The following FMN1 variants were observed in gnomAD, a reference collection of about 807,000 sequenced individuals.
FMN1 encodes formin 1.
Under a neutral mutation model 132.4 loss-of-function variants are expected in FMN1, and 110 were observed. That is an observed-to-expected ratio of 0.83 (90% CI 0.71 to 0.97). The LOEUF is 0.97. Ranked by LOEUF, FMN1 falls within the 50% of genes least tolerant of loss-of-function variation. FMN1 has a pLI of 0.00. For synonymous variants in FMN1, 722 were observed against 651.7 expected, an observed-to-expected ratio of 1.11 and a Z score of -1.64; for missense variants, 1,792 against 1,705.3, an observed-to-expected ratio of 1.05 and a Z score of -0.90.
chr15:33,090,312 C>T (rs2038858587), intron 4 of FMN1, among the ~76,000 whole-genome samples: 1 of 152,092 alleles, frequency 6.6e-6, no homozygotes, highest in African/African-American at 2.4e-5. Flanking sequence ...GAAACTAGAG[C>T]TGAGAGTAAA....
chr15:32,895,777 T>TTA (rs2060139275), intron 15 of FMN1, among the ~76,000 whole-genome samples: 1 of 152,198 alleles, frequency 6.6e-6, no homozygotes. Context: ...TCATTGTCTA[T>TTA]TATGTTGTAA....
At chr15:33,125,155 G>A (rs1300852894) in intron 4 of FMN1, among the ~76,000 whole-genome samples, 2 of 152,124 alleles carry the variant, frequency 1.3e-5, no homozygotes, top group African/African-American at 2.4e-5. Flanking sequence ...AGAATGCAGA[G>A]TTTGAATCCC....
At chr15:32,984,737 G>A (rs1321958925) in intron 7 of FMN1, among the ~76,000 whole-genome samples, 1 of 152,032 alleles carries the variant, frequency 6.6e-6, no homozygotes, top group African/African-American at 2.4e-5. Context: ...GTGGCTAAGT[G>A]AAATTCAACA....
At chr15:32,881,599 T>C (rs939395750) in intron 16 of FMN1, among the ~76,000 whole-genome samples, 1 of 152,214 alleles carries the variant, frequency 6.6e-6, no homozygotes, top group Non-Finnish European at 1.5e-5. Context: ...TTGTTGTTTA[T>C]GGGCCATGTT....
intron 4 of FMN1, among the ~76,000 whole-genome samples, chr15:33,136,033 A>G (rs556820704): frequency 6.6e-6 from 1 of 152,372 alleles, no homozygotes; most frequent in East Asian, 1.9e-4. Flanking sequence ...TGTTGAATAA[A>G]AAATGTTTTG....
At chr15:33,113,773 TTC>T (rs1238532865) in intron 4 of FMN1, among the ~76,000 whole-genome samples, 1 of 152,178 alleles carries the variant, frequency 6.6e-6, no homozygotes, top group African/African-American at 2.4e-5. Flanking sequence ...GCCACGTCAG[TTC>T]TTTCATCTGT....
Position 33,177,149 on chromosome 15 carries a change from C to A in FMN1, c.-132+3049G>T, listed in dbSNP as rs1377163111. Reference sequence around the variant, plus strand: ...GCTGAGGCACAGGAGGGTAACTTGTCCAGGGTCACACAGCTAGTAAGCTGC... The same window carrying A: ...GCTGAGGCACAGGAGGGTAACTTGTACAGGGTCACACAGCTAGTAAGCTGC... On this transcript the variant is annotated intron_variant, in intron 3 of 20. Transcript: ENST00000616417. 2.0e-5 allele frequency among the ~76,000 whole-genome samples: 3 copies of A among 152,178 alleles called. No homozygotes were observed. In the East Asian group the frequency reaches 5.8e-4, roughly 29 times the overall value.
chr15:32,804,385 G>T, intron 17 of FMN1, 53 bp from the exon 18 acceptor site: 1 of 898,418 alleles, frequency 1.1e-6, no homozygotes, highest in Non-Finnish European at 1.6e-6. Context: ...TCTCCTTTGC[G>T]TAATCTTACA....
chr15:32,899,231 C>T (rs1182313886), intron 14 of FMN1, among the ~76,000 whole-genome samples: 2 of 152,152 alleles, frequency 1.3e-5, no homozygotes, highest in Non-Finnish European at 2.9e-5. Context: ...GAACCAGGGC[C>T]TAGAACAGAA....
intron 6 of FMN1, among the ~76,000 whole-genome samples, chr15:33,055,615 A>G (rs1566872651): frequency 6.6e-6 from 1 of 151,992 alleles, no homozygotes; most frequent in African/African-American, 2.4e-5. Flanking sequence ...TAGACAAAAA[A>G]AAACAAACAA....
intron 6 of FMN1, among the ~76,000 whole-genome samples, chr15:33,043,495 G>C (rs1035201987): frequency 6.6e-6 from 1 of 152,254 alleles, no homozygotes; most frequent in Non-Finnish European, 1.5e-5. Flanking sequence ...GGCTGCGCAA[G>C]AATCTCTCTA....
chr15:33,017,249 C>T (rs1022889526), intron 6 of FMN1, among the ~76,000 whole-genome samples: 3 of 151,992 alleles, frequency 2.0e-5, no homozygotes, highest in African/African-American at 7.3e-5. Flanking sequence ...ATAGTTGATA[C>T]GGGTCATACA....
chr15:32,995,196 A>G (rs1443314155), intron 7 of FMN1, among the ~76,000 whole-genome samples: 2 of 152,166 alleles, frequency 1.3e-5, no homozygotes, highest in Non-Finnish European at 2.9e-5. Context: ...GTCATGCCAT[A>G]TATTGTATCA....
At chr15:33,031,459 G>C (rs1044838466) in intron 6 of FMN1, among the ~76,000 whole-genome samples, 5 of 152,128 alleles carry the variant, frequency 3.3e-5, no homozygotes, top group African/African-American at 1.2e-4. Context: ...TACAGACCTC[G>C]TGGCATGACC....
intron 17 of FMN1, among the ~76,000 whole-genome samples, chr15:32,851,593 G>A (rs999745812): frequency 6.6e-6 from 1 of 152,136 alleles, no homozygotes; most frequent in Admixed American, 6.5e-5. Flanking sequence ...AAAAGGCATG[G>A]ATATCATGGA....
intron 6 of FMN1, among the ~76,000 whole-genome samples, chr15:33,031,253 T>A (rs1449589518): frequency 6.6e-6 from 1 of 152,094 alleles, no homozygotes; most frequent in Non-Finnish European, 1.5e-5. Context: ...TAAATGTCCA[T>A]CGAGGAAGAC....
intron 17 of FMN1, among the ~76,000 whole-genome samples, chr15:32,846,422 C>A (rs1320472670): frequency 6.6e-6 from 1 of 152,146 alleles, no homozygotes; most frequent in Non-Finnish European, 1.5e-5. Context: ...GATGAACAAA[C>A]ACTTCTCAAG....
intron 10 of FMN1, among the ~76,000 whole-genome samples, chr15:32,917,549 G>A (rs1264036010): frequency 6.6e-6 from 1 of 152,212 alleles, no homozygotes; most frequent in African/African-American, 2.4e-5. Context: ...ATTGTTCTAA[G>A]TGTTTTGTAT....
chr15:32,902,295 A>C (rs545144297), intron 12 of FMN1, among the ~76,000 whole-genome samples: 1 of 152,240 alleles, frequency 6.6e-6, no homozygotes, highest in Non-Finnish European at 1.5e-5. Flanking sequence ...GAAAGTTAAC[A>C]CAAGTATACT....
Sources: gnomAD v4.1 joint callset for allele counts (sites outside exome capture counted in the v4.1 genomes callset) on GRCh38, gnomAD v4.1.1 for gene constraint, MANE v1.5 for transcripts, NCBI Gene and HGNC (gene_info 2026-07-23, HGNC 2026-07-21) for gene names.